The following SIPA1L3 variants were observed in gnomAD, a reference collection of about 807,000 sequenced individuals.
SIPA1L3 encodes the protein signal-induced proliferation-associated 1-like protein 3.
In SIPA1L3, 59 loss-of-function variants were observed where a neutral mutation model predicts 150.1. That is an observed-to-expected ratio of 0.39 (90% confidence interval 0.32 to 0.49). SIPA1L3 has a LOEUF of 0.49. SIPA1L3 is among the 20% of genes least tolerant of loss of function. SIPA1L3 has a pLI of 0.86. For missense variants in SIPA1L3, 2,211 were observed against 2,489.5 expected (o/e 0.89, Z 2.38); for synonymous variants, 1,070 against 1,077.6 (o/e 0.99, Z 0.14).
intron 1 of SIPA1L3, among the ~76,000 whole-genome samples, chr19:37,960,668 A>G (rs1403613150): frequency 2.6e-5 from 4 of 151,570 alleles, no homozygotes; most frequent in Non-Finnish European, 4.4e-5. Context: ...TGGCCTCCCA[A>G]AGTGCTGGGA....
At chr19:38,196,349 C>T (rs1319644294) in intron 18 of SIPA1L3, among the ~76,000 whole-genome samples, 1 of 152,004 alleles carries the variant, frequency 6.6e-6, no homozygotes, top group Non-Finnish European at 1.5e-5. Context: ...GCATGGAGGT[C>T]AAGGGTGGAG....
chr19:38,196,435 CA>C (rs1972942134), intron 18 of SIPA1L3, among the ~76,000 whole-genome samples: 2 of 138,020 alleles, frequency 1.4e-5, no homozygotes, highest in Non-Finnish European at 3.1e-5. Context: ...AGGTCAAGGG[CA>C]GAGCAAGGAG....
At chr19:38,138,910 A>AAAAAAAAAAAAAAAAAC (rs1343348254) in intron 10 of SIPA1L3, among the ~76,000 whole-genome samples, 1 of 112,786 alleles carries the variant, frequency 8.9e-6, no homozygotes, top group Non-Finnish European at 1.8e-5. Context: ...AAAAAAAAAA[A>AAAAAAAAAAAAAAAAAC]AAAAACTGAG....
In SIPA1L3 at chr19:38,206,169, G is replaced by T. The variant is rs752701389; in HGVS notation, c.5275G>T (p.Glu1759Ter). ...GCAGAACAACCAGCGGCTGCAGGAG[G>T]AGTCGCAGGCCGCCAGCGAGCAGCT... ...LRQNNQRLQE[E>*]SQAASEQLRK... is the part of the protein sequence containing the mutation. Residue 1759 changes from glutamate to a stop codon, truncating the protein, a stop_gained, in exon 22 of 22, where the codon GAG becomes TAG. Transcript: ENST00000222345. LOFTEE classifies it high-confidence loss of function. The T allele has an allele frequency of 1.6e-4, 245 of 1,552,810 alleles. 1 individual carries two copies. Among genetic ancestry groups the T allele is most frequent in the Middle Eastern group, 1.0e-3 (6 of 5,990 alleles).
intron 1 of SIPA1L3, among the ~76,000 whole-genome samples, chr19:37,962,331 A>G (rs1044070991): frequency 6.6e-6 from 1 of 151,596 alleles, no homozygotes; most frequent in African/African-American, 2.4e-5. Flanking sequence ...TTTACTAGAG[A>G]TGGGGTTTCC....
intron 2 of SIPA1L3, among the ~76,000 whole-genome samples, chr19:38,037,950 C>A (rs1396350678): frequency 1.3e-5 from 2 of 152,118 alleles, no homozygotes; most frequent in Non-Finnish European, 2.9e-5. Context: ...AAAGCAGGCA[C>A]CTTCCATGGT....
At chr19:37,940,298 C>T (rs1369709687) in intron 1 of SIPA1L3, among the ~76,000 whole-genome samples, 1 of 134,990 alleles carries the variant, frequency 7.4e-6, no homozygotes, top group Admixed American at 7.5e-5. Flanking sequence ...AACAAACAAA[C>T]AAAAAAAAAA....
chr19:38,205,263 C>T (rs1490703213), intron 21 of SIPA1L3, among the ~76,000 whole-genome samples: 1 of 148,384 alleles, frequency 6.7e-6, no homozygotes, highest in Non-Finnish European at 1.5e-5. Flanking sequence ...AGTTCAAGAC[C>T]AGCCTGGCCA....
At chr19:37,974,286 C>CGAGGCAGGAGGATTGCTT (rs1479138908) in intron 1 of SIPA1L3, among the ~76,000 whole-genome samples, 1 of 151,766 alleles carries the variant, frequency 6.6e-6, no homozygotes, top group Non-Finnish European at 1.5e-5. Flanking sequence ...TTTGGGAGGC[C>CGAGGCAGGAGGATTGCTT]GAGGCAGGAG....
chr19:38,174,127 C>T (rs1330480197), intron 15 of SIPA1L3, among the ~76,000 whole-genome samples: 1 of 152,126 alleles, frequency 6.6e-6, no homozygotes, highest in African/African-American at 2.4e-5. Context: ...GAGGAGGCCG[C>T]TCTGACAATA....
chr19:38,132,678 TGCTCTG>T (rs1362810546), intron 10 of SIPA1L3, among the ~76,000 whole-genome samples: 2 of 151,414 alleles, frequency 1.3e-5, no homozygotes, highest in Non-Finnish European at 2.9e-5. Context: ...GACAGAGTCT[TGCTCTG>T]TCACCCAGGC....
chr19:38,059,343 C>G (rs1394177530), intron 2 of SIPA1L3, among the ~76,000 whole-genome samples: 3 of 129,404 alleles, frequency 2.3e-5, no homozygotes, highest in Non-Finnish European at 4.7e-5. Flanking sequence ...GAGACGGAGT[C>G]TCGCTCTGTT....
chr19:37,945,476 A>T (rs1249022375), intron 1 of SIPA1L3, among the ~76,000 whole-genome samples: 1 of 152,040 alleles, frequency 6.6e-6, no homozygotes, highest in Admixed American at 6.6e-5. Context: ...GAGCTCAGCA[A>T]TCTGCCCACT....
chr19:38,063,305 C>T (rs1003831722), intron 2 of SIPA1L3, among the ~76,000 whole-genome samples: 8 of 151,956 alleles, frequency 5.3e-5, no homozygotes, highest in South Asian at 2.1e-4. Context: ...AGCCTTCCCA[C>T]GGCAGGGAGC....
At chr19:38,093,149 A>C (rs1033145341) in intron 4 of SIPA1L3, among the ~76,000 whole-genome samples, 2 of 152,004 alleles carry the variant, frequency 1.3e-5, no homozygotes, top group African/African-American at 4.8e-5. Context: ...ATGAGCCACC[A>C]CACCTGGCCC....
intron 1 of SIPA1L3, among the ~76,000 whole-genome samples, chr19:38,024,416 A>C (rs1419558036): frequency 6.6e-6 from 1 of 151,996 alleles, no homozygotes; most frequent in East Asian, 1.9e-4. Flanking sequence ...GCCGGAGGTG[A>C]GATGAGGGTG....
chr19:38,098,189 A>T (rs1568548495), intron 4 of SIPA1L3, among the ~76,000 whole-genome samples: 1 of 152,142 alleles, frequency 6.6e-6, no homozygotes, highest in Non-Finnish European at 1.5e-5. Context: ...GCGATAGAAA[A>T]CCTGACTACC....
Position 38,192,279 on chromosome 19 carries a change from A to T in SIPA1L3, c.4565A>T (p.Asn1522Ile), listed in dbSNP as rs760360623. 1 of 1,612,252 alleles carries T rather than the reference A, an allele frequency of 6.2e-7. No individual in the cohort carries two copies. The highest frequency in any genetic ancestry group is 1.7e-5 in the Admixed American group (1 of 59,692). ...DDLKKLIIMDNLGPEQERDTG... is the reference protein window; with the variant it reads ...DDLKKLIIMDILGPEQERDTG... The stretch of plus-strand genomic sequence containing the variant: ...CTGAAGAAACTCATCATCATGGACA[A>T]CCTGGGGCCAGAGCAGGAGAGAGAC... The change falls in exon 17 of 22, where the codon AAC becomes ATC. Residue 1522 changes from asparagine (N) to isoleucine (I), a missense_variant. Physicochemically the swap from Asn to Ile is moderately radical, Grantham distance 149. Around this residue, in one of 5 missense-constraint regions of SIPA1L3, gnomAD observed 806 missense variants for 870.1 expected, o/e 0.93. Transcript: ENST00000222345.
chr19:38,120,030 T>C lies in SIPA1L3; in HGVS notation c.2868+148T>C, dbSNP rs10407230. ...GTTGTCACTTACAAACTAGACATCT[T>C]GTGGGTTCTGTAGCTAGGTTCTTCC... is the stretch of plus-strand genomic sequence containing the variant. On this transcript the variant is annotated intron_variant, in intron 9 of 21. Transcript: ENST00000222345. 9.9e-3 allele frequency: 6,039 copies of C among 608,000 alleles called. 264 individuals carry two copies. The African/African-American group carries it at 0.1, about 10-fold the overall frequency. 37.7% of individuals were successfully genotyped at this position (608,000 alleles called of 1,614,324 possible).
Sources: allele counts gnomAD v4.1 joint callset (sites outside exome capture counted in the v4.1 genomes callset), GRCh38; gene constraint gnomAD v4.1.1; regional missense constraint gnomAD v4.1.1; transcripts MANE v1.5; gene names NCBI Gene and HGNC (gene_info 2026-07-23, HGNC 2026-07-21).